Variants in YPEL2 observed in about 807,000 individuals in gnomAD.
The protein encoded by YPEL2 is yippee like 2, also known as protein yippee-like 2.
In YPEL2, 2 loss-of-function variants were observed where a neutral mutation model predicts 19.1. That is an observed-to-expected ratio of 0.10 (90% confidence interval 0.04 to 0.33). The LOEUF is 0.33. Ranked by LOEUF, YPEL2 falls within the 10% of genes least tolerant of loss-of-function variation. The pLI is 1.00. For missense variants in YPEL2, 66 were observed against 140.7 expected, an observed-to-expected ratio of 0.47 and a Z score of 2.68; for synonymous variants, 52 against 50.0, an observed-to-expected ratio of 1.04 and a Z score of -0.17.
At chr17:59,340,188 A>C (rs1364986017) in intron 1 of YPEL2, among the ~76,000 whole-genome samples, 2 of 149,712 alleles carry the variant, frequency 1.3e-5, no homozygotes, top group Non-Finnish European at 3.0e-5. Context: ...GCTCACTGCA[A>C]TCTCCACCCC....
rs1390647853 is a variant in YPEL2, at chr17:59,399,199, A to G, written c.*2009A>G. 3 of 152,504 alleles carry G rather than the reference A, an allele frequency of 2.0e-5. No individual in the cohort carries two copies. Among genetic ancestry groups the G allele is most frequent in the Non-Finnish European group, 2.9e-5 (2 of 68,016 alleles). 9.4% of individuals were successfully genotyped at this position (152,504 alleles called of 1,614,324 possible). A position where few individuals can be genotyped will look rare whatever the true frequency, so the allele number is the denominator to read the frequency against. ...ATCGTTTTTTAACTTTCACATTCCT[A>G]AGCTGGCTTCCCGGCACAGAAGCCA... On this transcript the variant is annotated 3_prime_UTR_variant, in exon 5 of 5. Coordinates refer to ENST00000312655, the MANE Select transcript of YPEL2 (RefSeq NM_001005404.4).
chr17:59,353,326 G>A lies in YPEL2; in HGVS notation c.-84G>A, dbSNP rs1036779153. ...CTGCCAAACCACGGCCTTTACCTGT[G>A]TCTTCCGGTGTTTCCCGTGCGACCC... On this transcript the variant is annotated 5_prime_UTR_variant, in exon 2 of 5. Transcript: ENST00000312655. This position sits in a 1 kb window ranked among gnomAD's most constrained non-coding sequence, Gnocchi z 4.8. 2.0e-6 allele frequency: 2 copies of A among 1,003,252 alleles called. No homozygotes were observed. Among genetic ancestry groups the A allele is most frequent in the Admixed American group, 4.5e-5 (2 of 44,604 alleles). 62.1% of individuals were successfully genotyped at this position (1,003,252 alleles called of 1,614,324 possible).
intron 1 of YPEL2, among the ~76,000 whole-genome samples, chr17:59,350,008 C>T (rs1211923783): frequency 6.6e-6 from 1 of 152,154 alleles, no homozygotes; most frequent in Non-Finnish European, 1.5e-5. Context: ...CTTACCTCCT[C>T]TCATTTCTTC....
chr17:59,387,665 A>G (rs893252359), intron 2 of YPEL2, among the ~76,000 whole-genome samples: 2 of 152,156 alleles, frequency 1.3e-5, no homozygotes, highest in African/African-American at 4.8e-5. Flanking sequence ...AAAGAAAGAA[A>G]CTAATATGTA....
chr17:59,390,601 T>G (rs558875944), intron 4 of YPEL2, among the ~76,000 whole-genome samples: 1 of 152,324 alleles, frequency 6.6e-6, no homozygotes, highest in African/African-American at 2.4e-5. Context: ...AAATGGACAA[T>G]TATTCTTTCA....
At chr17:59,339,478 C>T (rs745421234) in intron 1 of YPEL2, among the ~76,000 whole-genome samples, 8 of 152,146 alleles carry the variant, frequency 5.3e-5, no homozygotes, top group Non-Finnish European at 1.2e-4. Flanking sequence ...ATTCCCATCC[C>T]TCATTTGTTT....
At chr17:59,357,261 C>T (rs1420691490) in intron 2 of YPEL2, among the ~76,000 whole-genome samples, 3 of 152,158 alleles carry the variant, frequency 2.0e-5, no homozygotes, top group East Asian at 3.8e-4. Flanking sequence ...CTGCCTGACA[C>T]CAACTAGTTT....
chr17:59,364,496 G>A (rs113381374), intron 2 of YPEL2, among the ~76,000 whole-genome samples: 1 of 152,014 alleles, frequency 6.6e-6, no homozygotes, highest in Non-Finnish European at 1.5e-5. Context: ...TGAGTCTAAT[G>A]TAGTAGCATA....
At chr17:59,370,755 G>GAAGGGACAGAGA (rs2047893158) in intron 2 of YPEL2, among the ~76,000 whole-genome samples, 1 of 152,084 alleles carries the variant, frequency 6.6e-6, no homozygotes, top group African/African-American at 2.4e-5. Context: ...GCACACAGAG[G>GAAGGGACAGAGA]AGGGGCACAG....
rs964006949 is a variant in YPEL2, at chr17:59,331,826, TA to T, written c.-196+4del. ...CCGGACAGGGCCGCCTGTCGCCGGGTAAGTGCACCGGAGTGCGGCGCGGGCC... is the reference window on the plus strand; with the variant it reads ...CCGGACAGGGCCGCCTGTCGCCGGGTAGTGCACCGGAGTGCGGCGCGGGCC... On this transcript the variant is annotated splice_donor_region_variant and intron_variant, in intron 1 of 4. Transcript: ENST00000312655. The T allele has an allele frequency of 2.0e-5, 3 of 151,352 alleles. No homozygotes were observed. Among genetic ancestry groups the T allele is most frequent in the Non-Finnish European group, 4.4e-5 (3 of 67,796 alleles). The allele number at this position is 151,352 out of a possible 1,614,324, so 9.4% of individuals were successfully genotyped here.
At chr17:59,378,772 T>G (rs1017355994) in intron 2 of YPEL2, among the ~76,000 whole-genome samples, 1 of 152,194 alleles carries the variant, frequency 6.6e-6, no homozygotes, top group African/African-American at 2.4e-5. Flanking sequence ...TTTCCTCCTT[T>G]AGAGCCAGTG....
intron 4 of YPEL2, among the ~76,000 whole-genome samples, chr17:59,394,352 A>T (rs1331480984): frequency 6.7e-6 from 1 of 148,274 alleles, no homozygotes; most frequent in African/African-American, 2.5e-5. Context: ...GGCCGGGCAG[A>T]GGCGCTCCTC....
chr17:59,359,502 A>G (rs1371327711), intron 2 of YPEL2, among the ~76,000 whole-genome samples: 1 of 152,242 alleles, frequency 6.6e-6, no homozygotes, highest in Admixed American at 6.5e-5. Context: ...AAAATTAAAA[A>G]TAAAGATGAA....
chr17:59,369,527 G>A (rs1318000423), intron 2 of YPEL2, among the ~76,000 whole-genome samples: 1 of 152,204 alleles, frequency 6.6e-6, no homozygotes, highest in African/African-American at 2.4e-5. Flanking sequence ...TACAGTACAG[G>A]GTCAGCACCC....
At chr17:59,364,612 C>CTTTTTTT (rs56282847) in intron 2 of YPEL2, among the ~76,000 whole-genome samples, 4 of 108,674 alleles carry the variant, frequency 3.7e-5, no homozygotes, top group Non-Finnish European at 3.6e-5. Flanking sequence ...CCCTCTGTGT[C>CTTTTTTT]TTTTTTTTTT....
At chr17:59,397,020 G>T (rs919635668) in intron 4 of YPEL2, 81 bp from the exon 5 acceptor site, 3 of 1,063,810 alleles carry the variant, frequency 2.8e-6, no homozygotes, top group African/African-American at 3.3e-5. Flanking sequence ...GACAGAGTGA[G>T]ACTGCCTCAA....
chr17:59,375,149 T>C (rs16943485), intron 2 of YPEL2, among the ~76,000 whole-genome samples: 20,899 of 152,040 alleles, frequency 0.14, 1,911 homozygotes, highest in East Asian at 0.44. Context: ...GGTAGAAATG[T>C]GGGGGAGAGC....
chr17:59,394,410 C>G (rs1205771206), intron 4 of YPEL2, among the ~76,000 whole-genome samples: 2 of 142,448 alleles, frequency 1.4e-5, no homozygotes, highest in Non-Finnish European at 3.0e-5. Context: ...ACATCTCAGA[C>G]GATGGGCGGC....
chr17:59,351,797 G>C (rs1000891483), intron 1 of YPEL2, among the ~76,000 whole-genome samples: 3 of 152,180 alleles, frequency 2.0e-5, no homozygotes, highest in Admixed American at 1.3e-4. Context: ...ATAATTGGTC[G>C]CTTTGCATGA....
Sources: gnomAD v4.1 joint callset for allele counts (sites outside exome capture counted in the v4.1 genomes callset) on GRCh38, gnomAD v4.1.1 for gene constraint, Gnocchi (gnomAD v3.1) non-coding constraint, MANE v1.5 for transcripts, NCBI Gene and HGNC (gene_info 2026-07-23, HGNC 2026-07-21) for gene names.